MAMLD1: variants seen among roughly 807,000 people sequenced by gnomAD.
MAMLD1 encodes the protein mastermind-like domain-containing protein 1.
In MAMLD1, 14 loss-of-function variants were observed where a neutral mutation model predicts 45.0. The observed-to-expected ratio is 0.31, with a 90% CI of 0.21 to 0.49. The LOEUF (loss-of-function observed/expected upper bound fraction) is 0.49, where lower values mean the gene tolerates loss of function less well. Among genes scored for constraint, MAMLD1 ranks in the 20% least tolerant of loss-of-function variants. The pLI, the probability that MAMLD1 is intolerant of heterozygous loss-of-function variation, is 0.99. For synonymous variants in MAMLD1, 254 were observed against 247.8 expected (o/e 1.02, Z -0.24); for missense variants, 543 against 603.6 (o/e 0.90, Z 1.05).
chrX:150,452,982 G>C (rs2035717695), intron 2 of MAMLD1, among the ~76,000 whole-genome samples: 1 of 110,798 alleles, frequency 9.0e-6, no homozygotes, highest in African/African-American at 3.3e-5. Flanking sequence ...ACAACTTTTG[G>C]GACTGCTGGA....
chrX:150,456,838 C>T (rs1017745693), intron 2 of MAMLD1, among the ~76,000 whole-genome samples: 1 of 112,239 alleles, frequency 8.9e-6, no homozygotes. Context: ...ACAGCTGGGC[C>T]GGAGGGGCTG....
chrX:150,474,292 C>T lies in MAMLD1; in HGVS notation c.2040+490C>T, dbSNP rs73615210. On this transcript the variant is annotated intron_variant, in intron 5 of 7. Coordinates refer to ENST00000370401, the MANE Select transcript of MAMLD1 (RefSeq NM_005491.5). Reference sequence around the variant, plus strand: ...AGAGCAGACAATCTGGCTACAGAGCCCACACTCATACTCCCATGCATGGGG... The same window carrying T: ...AGAGCAGACAATCTGGCTACAGAGCTCACACTCATACTCCCATGCATGGGG... Among the ~76,000 whole-genome samples the T allele has an allele frequency of 6.9e-3, 782 of 112,684 alleles. 7 individuals carry two copies. Among genetic ancestry groups the T allele is most frequent in the African/African-American group, 0.024 (744 of 30,990 alleles).
intron 2 of MAMLD1, among the ~76,000 whole-genome samples, chrX:150,447,420 A>G (rs1557404843): frequency 8.9e-6 from 1 of 111,915 alleles, no homozygotes; most frequent in Non-Finnish European, 1.9e-5. Context: ...TCAGCCTCCA[A>G]AAGCAACTCT....
intron 5 of MAMLD1, among the ~76,000 whole-genome samples, chrX:150,500,965 T>C (rs1156969346): frequency 8.9e-6 from 1 of 112,045 alleles, no homozygotes; most frequent in Non-Finnish European, 1.9e-5. Context: ...CCTGCTCCAC[T>C]TGATTGAGTG....
At chrX:150,463,142 T>C (rs2036103727) in intron 3 of MAMLD1, among the ~76,000 whole-genome samples, 1 of 112,480 alleles carries the variant, frequency 8.9e-6, no homozygotes, top group Admixed American at 9.4e-5. Context: ...AGTGGAGTCA[T>C]CTGGATTGGG....
intron 1 of MAMLD1, among the ~76,000 whole-genome samples, chrX:150,437,515 A>G (rs1007292077): frequency 7.1e-5 from 8 of 111,964 alleles, no homozygotes; most frequent in Admixed American, 3.8e-4. Context: ...CTGTAGATTT[A>G]CTGTAAATAT....
chrX:150,435,302 T>C (rs1033972660), intron 1 of MAMLD1, among the ~76,000 whole-genome samples: 9 of 111,150 alleles, frequency 8.1e-5, no homozygotes, highest in African/African-American at 2.9e-4. Context: ...GATCATGAGG[T>C]CAGGAGTTCA....
chrX:150,495,449 C>T (rs1258461201), intron 5 of MAMLD1, among the ~76,000 whole-genome samples: 1 of 112,057 alleles, frequency 8.9e-6, no homozygotes, highest in African/African-American at 3.2e-5. Context: ...AGAAATATGG[C>T]CAAAGAGATT....
intron 5 of MAMLD1, among the ~76,000 whole-genome samples, chrX:150,484,152 A>G (rs2036910216): frequency 1.8e-5 from 2 of 112,685 alleles, no homozygotes; most frequent in South Asian, 7.3e-4. Flanking sequence ...ACTTGATAGT[A>G]TATGAACAAG....
chrX:150,456,971 A>C (rs1557405360), intron 2 of MAMLD1, among the ~76,000 whole-genome samples: 2 of 112,629 alleles, frequency 1.8e-5, no homozygotes, highest in Non-Finnish European at 3.8e-5. Context: ...AAGAGAGTGC[A>C]ATGTCCTCTC....
intron 3 of MAMLD1, among the ~76,000 whole-genome samples, chrX:150,463,452 T>A (rs1396095171): frequency 2.7e-5 from 3 of 112,086 alleles, no homozygotes; most frequent in African/African-American, 9.7e-5. Flanking sequence ...TCTCAACAAA[T>A]GCTTGTTCAA....
At chrX:150,511,406 C>T (rs971774075) in intron 7 of MAMLD1, among the ~76,000 whole-genome samples, 2 of 111,812 alleles carry the variant, frequency 1.8e-5, no homozygotes, top group Admixed American at 9.4e-5. Flanking sequence ...AACCCATTAC[C>T]GTTCAGTTGA....
At chrX:150,417,630 T>C (rs1409746893) in intron 1 of MAMLD1, among the ~76,000 whole-genome samples, 2 of 106,602 alleles carry the variant, frequency 1.9e-5, no homozygotes, top group African/African-American at 6.9e-5. Context: ...CCACCAACAG[T>C]GTAAAAGTGT....
chrX:150,513,198 C>G lies in MAMLD1; in HGVS notation c.*1239C>G. On this transcript the variant is annotated 3_prime_UTR_variant, in exon 8 of 8. Coordinates refer to ENST00000370401, the MANE Select transcript of MAMLD1 (RefSeq NM_005491.5). ...GTTGTCAGCCCATGCTTATCCCTCT[C>G]TCTACCTGTGACAAAATGGAAAGCT... is the stretch of plus-strand genomic sequence containing the variant. The G allele has an allele frequency of 1.8e-6, 1 of 563,681 alleles. No homozygotes were observed. The highest frequency in any genetic ancestry group is 2.7e-6 in the Non-Finnish European group (1 of 373,204). 46.5% of individuals were successfully genotyped at this position (563,681 alleles called of 1,213,427 possible). A position where few individuals can be genotyped will look rare whatever the true frequency, so the allele number is the denominator to read the frequency against.
In MAMLD1 at chrX:150,462,907, C is replaced by T. The variant is rs138776963; in HGVS notation, c.171+61C>T. On this transcript the variant is annotated intron_variant, in intron 3 of 7. Transcript: ENST00000370401. ...CTTTACAGTGGGGAAACTGAGGCCC[C>T]GAGTGTGAAAGGGACCTACAAGAGG... 4,511 of 931,671 alleles carry T rather than the reference C, an allele frequency of 4.8e-3. 126 individuals are homozygous for T. In the African/African-American group the frequency reaches 0.074, roughly 15 times the overall value. 76.8% of individuals were successfully genotyped at this position (931,671 alleles called of 1,213,427 possible). A position where few individuals can be genotyped will look rare whatever the true frequency, so the allele number is the denominator to read the frequency against.
intron 1 of MAMLD1, among the ~76,000 whole-genome samples, chrX:150,369,516 C>G (rs1231487632): frequency 1.8e-5 from 2 of 112,620 alleles, no homozygotes; most frequent in African/African-American, 6.5e-5. Context: ...AAGTGTTCAC[C>G]TTTTTGTGTC....
intron 1 of MAMLD1, among the ~76,000 whole-genome samples, chrX:150,385,270 A>G (rs1312785755): frequency 1.1e-5 from 1 of 92,010 alleles, no homozygotes; most frequent in Non-Finnish European, 2.1e-5. Flanking sequence ...TTATGCCTGA[A>G]CAATACTACA....
chrX:150,514,034 G>A lies in MAMLD1; in HGVS notation c.*2075G>A. The A allele has an allele frequency of 3.5e-6, 1 of 288,388 alleles. No homozygotes were observed. The highest frequency in any genetic ancestry group is 6.1e-6 in the Non-Finnish European group (1 of 164,692). The allele number at this position is 288,388 out of a possible 1,213,427, so 23.8% of individuals were successfully genotyped here. A position where few individuals can be genotyped will look rare whatever the true frequency, so the allele number is the denominator to read the frequency against. ...ATAGAAAACCCACACCCACTGTCCT[G>A]TAAACTTTTCTCAGTGTCCAGACTT... On this transcript the variant is annotated 3_prime_UTR_variant, in exon 8 of 8. Coordinates refer to ENST00000370401, the MANE Select transcript of MAMLD1 (RefSeq NM_005491.5).
chrX:150,512,747 G>C lies in MAMLD1; in HGVS notation c.*788G>C, dbSNP rs1557409268. ...GGGCATCGAGCCACCAAGCTATGTG[G>C]CTGCTGCTGCCACCGCTGCTGCTGC... On this transcript the variant is annotated 3_prime_UTR_variant, in exon 8 of 8. Coordinates refer to ENST00000370401, the MANE Select transcript of MAMLD1 (RefSeq NM_005491.5). 1.7e-6 allele frequency: 2 copies of C among 1,155,272 alleles called. No individual in the cohort carries two copies. The highest frequency in any genetic ancestry group is 6.5e-5 in the East Asian group (2 of 30,761).
Sources: allele counts gnomAD v4.1 joint callset (sites outside exome capture counted in the v4.1 genomes callset), GRCh38; gene constraint gnomAD v4.1.1; transcripts MANE v1.5; gene names NCBI Gene and HGNC (gene_info 2026-07-23, HGNC 2026-07-21).